The following CACNA2D3 variants were observed in gnomAD, a reference collection of about 807,000 sequenced individuals.
The protein encoded by CACNA2D3 is voltage-dependent calcium channel subunit alpha-2/delta-3.
CACNA2D3 carries 60 observed loss-of-function variants against 160.6 expected under a neutral mutation model. The ratio of observed to expected loss-of-function variants is 0.37; its 90% CI spans 0.30 to 0.46. The LOEUF (loss-of-function observed/expected upper bound fraction) is 0.46. Ranked by LOEUF, CACNA2D3 falls within the 20% of genes least tolerant of loss-of-function variation. The pLI, the probability that CACNA2D3 is intolerant of heterozygous loss-of-function variation, is 1.00. For missense variants in CACNA2D3, 1,205 were observed against 1,365.0 expected, an observed-to-expected ratio of 0.88 and a Z score of 1.85; for synonymous variants, 558 against 492.9, an observed-to-expected ratio of 1.13 and a Z score of -1.75.
At chr3:54,709,812 G>C (rs957946794) in intron 11 of CACNA2D3, among the ~76,000 whole-genome samples, 3 of 152,170 alleles carry the variant, frequency 2.0e-5, no homozygotes. Flanking sequence ...TGTGGGTCCA[G>C]CTACTCAGAA....
At chr3:54,575,671 T>A (rs1424306941) in intron 8 of CACNA2D3, among the ~76,000 whole-genome samples, 1 of 152,042 alleles carries the variant, frequency 6.6e-6, no homozygotes. Context: ...GAGGGAGTAG[T>A]TGGGGGGCTG....
At chr3:54,778,738 T>C (rs1481506394) in intron 13 of CACNA2D3, among the ~76,000 whole-genome samples, 1 of 152,186 alleles carries the variant, frequency 6.6e-6, no homozygotes, top group East Asian at 1.9e-4. Flanking sequence ...TCTCATAGAC[T>C]CAGAGATCCA....
chr3:54,821,063 A>C (rs186585513), intron 14 of CACNA2D3, among the ~76,000 whole-genome samples: 87 of 152,204 alleles, frequency 5.7e-4, no homozygotes, highest in African/African-American at 1.9e-3. Flanking sequence ...ACGTGTCCAG[A>C]CTCTGGTACC....
At chr3:54,391,805 C>T (rs759994153) in intron 4 of CACNA2D3, among the ~76,000 whole-genome samples, 17 of 152,152 alleles carry the variant, frequency 1.1e-4, no homozygotes, top group Admixed American at 6.5e-5. Flanking sequence ...GCCACCATGC[C>T]CAGCCTGGCA....
At chr3:54,135,900 T>C (rs897822484) in intron 2 of CACNA2D3, among the ~76,000 whole-genome samples, 7 of 152,178 alleles carry the variant, frequency 4.6e-5, no homozygotes, top group African/African-American at 1.7e-4. Flanking sequence ...GAGTCCTGAC[T>C]ACCAGGCTTG....
chr3:54,980,217 G>A lies in CACNA2D3; in HGVS notation c.2557-4391G>A, dbSNP rs182565846. Among the ~76,000 whole-genome samples, 399 of 152,236 alleles carry A rather than the reference G, an allele frequency of 2.6e-3. 1 individual carries two copies. The highest frequency in any genetic ancestry group is 9.0e-3 in the African/African-American group (373 of 41,552). On this transcript the variant is annotated intron_variant, in intron 29 of 37. Transcript: ENST00000474759. ...ATTCAGTCTTAATCAGTTTGACCAC[G>A]AGGTAAGATTTTCATAAACCTTGTA... is the stretch of plus-strand genomic sequence containing the variant.
chr3:54,294,499 A>T (rs1703294207), intron 2 of CACNA2D3, among the ~76,000 whole-genome samples: 1 of 152,062 alleles, frequency 6.6e-6, no homozygotes, highest in Non-Finnish European at 1.5e-5. Flanking sequence ...CCACTGTGGG[A>T]GGAAAAAGAG....
At chr3:54,347,385 G>T (rs1316877693) in intron 3 of CACNA2D3, among the ~76,000 whole-genome samples, 2 of 152,190 alleles carry the variant, frequency 1.3e-5, no homozygotes, top group Non-Finnish European at 2.9e-5. Flanking sequence ...GTATAGGGGA[G>T]CTGTAATATG....
chr3:54,815,252 G>A (rs1703421321), intron 13 of CACNA2D3, among the ~76,000 whole-genome samples: 3 of 152,150 alleles, frequency 2.0e-5, no homozygotes, highest in Admixed American at 1.3e-4. Flanking sequence ...TGGGAGACCC[G>A]TATAAGATAA....
chr3:54,967,047 C>G (rs1702168582), intron 27 of CACNA2D3: 1 of 152,202 alleles, frequency 6.6e-6, no homozygotes, highest in African/African-American at 2.4e-5. Context: ...TAAGGCAGAG[C>G]AGAATGAGCC....
rs553040954 is a variant in CACNA2D3 at position 54,150,288 on chromosome 3, T to A, written c.204+26694T>A. ...TTTCCTTTTCAGTTTCTACTTTAAA[T>A]GTTAAAGGTCTAAACTTTGGGAAAT... On this transcript the variant is annotated intron_variant, in intron 2 of 37. Coordinates refer to ENST00000474759, the MANE Select transcript of CACNA2D3 (RefSeq NM_018398.3). Among the ~76,000 whole-genome samples the A allele has an allele frequency of 1.4e-3, 215 of 152,280 alleles. 1 individual carries two copies. The highest frequency in any genetic ancestry group is 4.9e-3 in the African/African-American group (203 of 41,552).
chr3:54,346,089 C>T (rs1014515130), intron 3 of CACNA2D3, among the ~76,000 whole-genome samples: 1 of 152,134 alleles, frequency 6.6e-6, no homozygotes, highest in African/African-American at 2.4e-5. Flanking sequence ...GAAACCATAT[C>T]CTGGCTCAAG....
At chr3:55,058,990 A>G (rs1246407360) in intron 35 of CACNA2D3, among the ~76,000 whole-genome samples, 1 of 152,204 alleles carries the variant, frequency 6.6e-6, no homozygotes, top group Non-Finnish European at 1.5e-5. Context: ...TTTTCTTACC[A>G]TTAACATGGT....
chr3:54,894,941 A>G lies in CACNA2D3; in HGVS notation c.2247-1808A>G, dbSNP rs78617979. On this transcript the variant is annotated intron_variant, in intron 25 of 37. Coordinates refer to ENST00000474759, the MANE Select transcript of CACNA2D3 (RefSeq NM_018398.3). ...GATCTCTGCACTTTCTCAGTCTTGC[A>G]CATGACTCCAAAGTTGGCCTTAGCC... is the stretch of plus-strand genomic sequence containing the variant. Among the ~76,000 whole-genome samples, 1,086 of 151,642 alleles carry G rather than the reference A, an allele frequency of 7.2e-3. 15 individuals are homozygous for G. Among genetic ancestry groups the G allele is most frequent in the African/African-American group, 0.024 (1,006 of 41,290 alleles).
At position 54,871,582 on chromosome 3, in the gene CACNA2D3, T is replaced by C. The variant is rs774808364; in HGVS notation, c.1670T>C (p.Val557Ala). The C allele has an allele frequency of 1.3e-5, 21 of 1,613,600 alleles. No individual in the cohort carries two copies. The South Asian group carries it at 2.3e-4, about 18-fold the overall frequency. ...KKRRKPNYSS[V>A]DLSEVEWEDR... ...CGAAGGAAACCTAACTATAGTAGCGTTGACCTCTCTGAGGTGGAGTGGGAA... is the reference window on the plus strand; with the variant it reads ...CGAAGGAAACCTAACTATAGTAGCGCTGACCTCTCTGAGGTGGAGTGGGAA... Residue 557 changes from valine to alanine, a missense_variant, in exon 18 of 38, where the codon GTT (valine) becomes GCT (alanine). By Grantham distance (64) the Val-to-Ala change is moderately conservative. This residue lies in a region of CACNA2D3 where 911 missense variants were observed against 1,002.2 expected (regional missense o/e 0.91). Transcript: ENST00000474759.
chr3:54,781,426 CTCTG>C (rs1411887978), intron 13 of CACNA2D3, among the ~76,000 whole-genome samples: 1 of 152,204 alleles, frequency 6.6e-6, no homozygotes, highest in Non-Finnish European at 1.5e-5. Flanking sequence ...GATTGCCCTT[CTCTG>C]TCTGTAGCTG....
intron 34 of CACNA2D3, 105 bp downstream of exon 34, chr3:55,009,548 CAA>C: frequency 2.8e-6 from 3 of 1,060,568 alleles, no homozygotes; most frequent in African/African-American, 1.6e-5. Context: ...TTCCCCAGGA[CAA>C]AGTGATGATT....
intron 31 of CACNA2D3, among the ~76,000 whole-genome samples, chr3:55,001,056 ATC>A (rs1702971159): frequency 6.6e-6 from 1 of 152,114 alleles, no homozygotes; most frequent in Non-Finnish European, 1.5e-5. Context: ...GATGATTATA[ATC>A]TATCTTATAG....
At chr3:54,899,898 A>G (rs1255234435) in intron 27 of CACNA2D3, 30 bp downstream of exon 27, 1 of 1,479,090 alleles carries the variant, frequency 6.8e-7, no homozygotes. Flanking sequence ...CATGAAGACA[A>G]AGTAAGCATG....
Sources: gnomAD v4.1 joint callset for allele counts (sites outside exome capture counted in the v4.1 genomes callset) on GRCh38, gnomAD v4.1.1 for gene constraint, gnomAD v4.1.1 regional missense constraint, MANE v1.5 for transcripts, NCBI Gene and HGNC (gene_info 2026-07-23, HGNC 2026-07-21) for gene names.